Variants in POFUT3 observed in about 807,000 individuals in gnomAD.
POFUT3 encodes GDP-fucose protein O-fucosyltransferase 3.
the POFUT3 span, among the ~76,000 whole-genome samples, chr8:33,430,694 G>T: frequency 1.3e-5 from 2 of 152,138 alleles, no homozygotes; most frequent in African/African-American, 4.8e-5. Context: ...CACTTCCTGG[G>T]TTCAAGCAAT....
the POFUT3 span, among the ~76,000 whole-genome samples, chr8:33,404,785 ATG>A: frequency 6.6e-5 from 10 of 152,210 alleles, no homozygotes; most frequent in East Asian, 1.7e-3. Context: ...AATGGGTACA[ATG>A]TATGTTATTA....
chr8:33,372,795 G>A, the POFUT3 span: 1 of 1,613,886 alleles, frequency 6.2e-7, no homozygotes, highest in East Asian at 2.2e-5. Flanking sequence ...CATCTTTTGG[G>A]TGGTAAGCCC....
At chr8:33,439,141 C>G in the POFUT3 span, among the ~76,000 whole-genome samples, 4 of 152,190 alleles carry the variant, frequency 2.6e-5, no homozygotes, top group African/African-American at 9.7e-5. Context: ...AGTGGTGGCT[C>G]ACGCCTGTAA....
the POFUT3 span, chr8:33,452,227 CAAT>C: frequency 2.0e-5 from 3 of 152,026 alleles, no homozygotes; most frequent in African/African-American, 7.2e-5. Context: ...AGATTTCTAA[CAAT>C]AACATAAACA....
At chr8:33,390,485 G>T in the POFUT3 span, among the ~76,000 whole-genome samples, 1 of 108,784 alleles carries the variant, frequency 9.2e-6, no homozygotes, top group East Asian at 2.8e-4. Context: ...TCTTTAAAAA[G>T]AAAAGAGCAA....
chr8:33,428,951 A>G, the POFUT3 span, among the ~76,000 whole-genome samples: 3 of 152,196 alleles, frequency 2.0e-5, no homozygotes, highest in African/African-American at 7.2e-5. Context: ...GGCTAAGACA[A>G]TATCATAATC....
the POFUT3 span, among the ~76,000 whole-genome samples, chr8:33,456,694 G>C: frequency 6.6e-6 from 1 of 151,854 alleles, no homozygotes; most frequent in Non-Finnish European, 1.5e-5. Flanking sequence ...AAAGTTAAAA[G>C]GATAAATGAC....
the POFUT3 span, among the ~76,000 whole-genome samples, chr8:33,402,582 T>C: frequency 2.0e-5 from 3 of 152,156 alleles, no homozygotes; most frequent in Non-Finnish European, 4.4e-5. Context: ...GCAAAAAACT[T>C]GGTCCAGGAT....
the POFUT3 span, among the ~76,000 whole-genome samples, chr8:33,318,330 A>G: frequency 6.6e-6 from 1 of 151,024 alleles, no homozygotes; most frequent in Non-Finnish European, 1.5e-5. Context: ...GGCTAGAAAT[A>G]AATATTTATA....
the POFUT3 span, among the ~76,000 whole-genome samples, chr8:33,348,748 T>A: frequency 1.3e-5 from 2 of 152,116 alleles, no homozygotes; most frequent in Non-Finnish European, 2.9e-5. Flanking sequence ...TACAAAGATT[T>A]AGAGGTATGA....
the POFUT3 span, among the ~76,000 whole-genome samples, chr8:33,375,326 G>T: frequency 6.6e-6 from 1 of 152,046 alleles, no homozygotes; most frequent in African/African-American, 2.4e-5. Context: ...GTCAACAGAA[G>T]AGAAAAAAAG....
At chr8:33,452,257 T>C in the POFUT3 span, 4 of 152,226 alleles carry the variant, frequency 2.6e-5, no homozygotes, top group African/African-American at 7.2e-5. Flanking sequence ...AGTAGTGTTA[T>C]ATGTAACTTT....
At chr8:33,369,711 T>C in the POFUT3 span, among the ~76,000 whole-genome samples, 1 of 152,204 alleles carries the variant, frequency 6.6e-6, no homozygotes, top group Non-Finnish European at 1.5e-5. Context: ...GGTTCTTCTA[T>C]GTGTAATATA....
chr8:33,430,188 T>C, the POFUT3 span, among the ~76,000 whole-genome samples: 5 of 98,220 alleles, frequency 5.1e-5, no homozygotes, highest in Non-Finnish European at 9.2e-5. Context: ...TTATTACCCT[T>C]GAAAGACAGA....
chr8:33,438,367 C>T, the POFUT3 span, among the ~76,000 whole-genome samples: 2 of 152,262 alleles, frequency 1.3e-5, no homozygotes, highest in East Asian at 3.9e-4. Flanking sequence ...CGTTTGAGCC[C>T]AGGAGTTCAA....
At chr8:33,313,890 C>T in the POFUT3 span, among the ~76,000 whole-genome samples, 30 of 152,120 alleles carry the variant, frequency 2.0e-4, no homozygotes, top group Non-Finnish European at 3.8e-4. Flanking sequence ...CCAACTCTAA[C>T]CCCAGGCTCT....
the POFUT3 span, chr8:33,436,415 C>T: frequency 9.8e-6 from 14 of 1,433,968 alleles, no homozygotes; most frequent in Non-Finnish European, 1.4e-5. Context: ...TCAAACTTGG[C>T]TGGAAGCTCC....
At chr8:33,436,431 G>A in the POFUT3 span, 1 of 1,442,652 alleles carries the variant, frequency 6.9e-7, no homozygotes, top group South Asian at 1.1e-5. Flanking sequence ...GCTCCTTATT[G>A]GTACAGGTGG....
the POFUT3 span, among the ~76,000 whole-genome samples, chr8:33,363,101 C>T: frequency 1.3e-5 from 2 of 152,244 alleles, no homozygotes; most frequent in African/African-American, 4.8e-5. Flanking sequence ...AATTAGAACT[C>T]AGGATTAAGA....
Sources: gnomAD v4.1 joint callset for allele counts (sites outside exome capture counted in the v4.1 genomes callset) on GRCh38, gnomAD v4.1.1 for gene constraint, MANE v1.5 for transcripts, NCBI Gene and HGNC (gene_info 2026-07-23, HGNC 2026-07-21) for gene names.